DCAF11: variants seen among roughly 807,000 people sequenced by gnomAD.
DCAF11 encodes the protein DDB1 and CUL4 associated factor 11.
DCAF11 carries 44 observed loss-of-function variants against 76.1 expected under a neutral mutation model. That is an observed-to-expected ratio of 0.58 (90% CI 0.45 to 0.74). The LOEUF is 0.74. Ranked by LOEUF, DCAF11 falls within the 30% of genes least tolerant of loss-of-function variation. The pLI, the probability that DCAF11 is intolerant of heterozygous loss-of-function variation, is 0.00. For missense variants in DCAF11, 604 were observed against 709.4 expected (o/e 0.85, Z 1.69); for synonymous variants, 258 against 255.0 (o/e 1.01, Z -0.11).
Position 24,117,261 on chromosome 14 carries a change from C to CA in DCAF11, c.284-4dup, listed in dbSNP as rs760544752. 1 of 1,614,130 alleles carries CA rather than the reference C, an allele frequency of 6.2e-7. No individual in the cohort carries two copies. Among genetic ancestry groups the CA allele is most frequent in the East Asian group, 2.2e-5 (1 of 44,888 alleles). On this transcript the variant is annotated splice_polypyrimidine_tract_variant and splice_region_variant and intron_variant, in intron 3 of 14. Transcript: ENST00000446197. The surrounding 1 kb of genome is among the most constrained non-coding windows in gnomAD (Gnocchi z 4.3). Reference sequence around the variant, plus strand: ...TAGGATGAAACTTCTCCTTGGTACTCACAGTGGATGCTACCCCTGACACCC... The same window carrying CA: ...TAGGATGAAACTTCTCCTTGGTACTCAACAGTGGATGCTACCCCTGACACCC...
chr14:24,121,656 CAG>C, intron 13 of DCAF11, 139 bp downstream of exon 13: 1 of 897,346 alleles, frequency 1.1e-6, no homozygotes, highest in Non-Finnish European at 1.6e-6. Flanking sequence ...GAGGCTTAAA[CAG>C]AGAAATAGAA....
chr14:24,122,935 T>G (rs1417044186), intron 13 of DCAF11, 36 bp from the exon 14 acceptor site: 13 of 1,591,252 alleles, frequency 8.2e-6, no homozygotes, highest in Non-Finnish European at 1.1e-5. Context: ...AGATGTCTTG[T>G]GGTGGTCCCT....
rs1273528123 is a variant in DCAF11 at position 24,117,318 on chromosome 14, A to G, written c.336A>G (p.Gln112=). ...TGGAATTCAATGAGATCAAGACACA[A>G]GTGGAACTGGCCACAGGGCAGCTGG... is the stretch of plus-strand genomic sequence containing the variant. ...RELEFNEIKT[Q]VELATGQLGL... Residue 112 remains glutamine (Q), a synonymous_variant, in exon 4 of 15, where the codon CAA becomes CAG. Transcript: ENST00000446197. The surrounding 1 kb of genome is among the most constrained non-coding windows in gnomAD (Gnocchi z 4.3). The G allele has an allele frequency of 2.5e-6, 4 of 1,614,206 alleles. No homozygotes were observed. Among genetic ancestry groups the G allele is most frequent in the Non-Finnish European group, 3.4e-6 (4 of 1,180,034 alleles).
In DCAF11 at chr14:24,115,750, G is replaced by A; in HGVS notation, c.155+1G>A. The A allele has an allele frequency of 1.2e-6, 2 of 1,611,596 alleles. No homozygotes were observed. Among genetic ancestry groups the A allele is most frequent in the Non-Finnish European group, 1.7e-6 (2 of 1,178,684 alleles). ...AGGTACTGGCCTATCTCCTCCGCAG[G>A]TAACTTACCCTCTGGTGTGACCCCC... On this transcript the variant is annotated splice_donor_variant, in intron 2 of 14. Coordinates refer to ENST00000446197, the MANE Select transcript of DCAF11 (RefSeq NM_025230.5). LOFTEE classifies it high-confidence loss of function.
At chr14:24,122,456 C>T (rs2037708053) in intron 13 of DCAF11, among the ~76,000 whole-genome samples, 1 of 147,522 alleles carries the variant, frequency 6.8e-6, no homozygotes. Context: ...CGCCACGGCA[C>T]TCTAGCCTGG....
intron 13 of DCAF11, among the ~76,000 whole-genome samples, chr14:24,122,634 G>A (rs577150383): frequency 4.6e-5 from 7 of 152,154 alleles, no homozygotes; most frequent in Non-Finnish European, 8.8e-5. Context: ...AGGTGCAGCA[G>A]GTGCACACAC....
chr14:24,118,548 A>C lies in DCAF11; in HGVS notation c.724+14A>C. 1 of 1,610,600 alleles carries C rather than the reference A, an allele frequency of 6.2e-7. No homozygotes were observed. Among genetic ancestry groups the C allele is most frequent in the Non-Finnish European group, 8.5e-7 (1 of 1,177,134 alleles). On this transcript the variant is annotated intron_variant, in intron 7 of 14. Coordinates refer to ENST00000446197, the MANE Select transcript of DCAF11 (RefSeq NM_025230.5). ...GGTCTGATTACAGTGAGTATGCACC[A>C]GGCTTCCACTGACTCTCCAGCCTGG... is the stretch of plus-strand genomic sequence containing the variant.
At chr14:24,121,683 C>G in intron 13 of DCAF11, 166 bp downstream of exon 13, 1 of 733,998 alleles carries the variant, frequency 1.4e-6, no homozygotes, top group Non-Finnish European at 2.1e-6. Context: ...TTCTATTTTT[C>G]AGTGTTTTAA....
In DCAF11 at chr14:24,123,446, CAGCTGAGCCCTGGA is replaced by C; in HGVS notation, c.*140_*153del. 7.6e-7 allele frequency: 1 copy of C among 1,319,544 alleles called. No individual in the cohort carries two copies. Among genetic ancestry groups the C allele is most frequent in the Non-Finnish European group, 9.9e-7 (1 of 1,008,572 alleles). The allele number at this position is 1,319,544 out of a possible 1,614,324, so 81.7% of individuals were successfully genotyped here. A position where few individuals can be genotyped will look rare whatever the true frequency, so the allele number is the denominator to read the frequency against. ...TAACATAAGCCTGGGCTCTGAGCCT[CAGCTGAGCCCTGGA>C]AGATTCTCCCCATGGGGCAGAGTGG... On this transcript the variant is annotated 3_prime_UTR_variant, in exon 15 of 15. Coordinates refer to ENST00000446197, the MANE Select transcript of DCAF11 (RefSeq NM_025230.5).
chr14:24,117,275 C>T lies in DCAF11; in HGVS notation c.293C>T (p.Thr98Ile), dbSNP rs781632336. ...GDRYNPPVDA[T>I]PDTRELEFNE... ...TCCTTGGTACTCACAGTGGATGCTA[C>T]CCCTGACACCCGGGAGCTGGAATTC... Residue 98 changes from threonine (T) to isoleucine (I), a missense_variant, in exon 4 of 15, where the codon ACC becomes ATC. By Grantham distance (89) the Thr-to-Ile change is moderately conservative (BLOSUM62 -1). Transcript: ENST00000446197. The surrounding 1 kb of genome is among the most constrained non-coding windows in gnomAD (Gnocchi z 4.3). 9.9e-6 allele frequency: 16 copies of T among 1,614,156 alleles called. No individual in the cohort carries two copies. Among genetic ancestry groups the T allele is most frequent in the Admixed American group, 1.7e-5 (1 of 60,018 alleles).
chr14:24,117,707 G>A lies in DCAF11; in HGVS notation c.451G>A (p.Gly151Arg). The change falls in exon 5 of 15, where the codon GGA (glycine) becomes AGA (arginine). Residue 151 changes from glycine (G) to arginine (R), a missense_variant. By Grantham distance (125) the Gly-to-Arg change is moderately radical. Coordinates refer to ENST00000446197, the MANE Select transcript of DCAF11 (RefSeq NM_025230.5). The surrounding 1 kb of genome is among the most constrained non-coding windows in gnomAD (Gnocchi z 4.3). ...GLCHRGSFSL[G>R]EQSRVISHFL... ...CTGCCATCGGGGAAGCTTCTCCCTT[G>A]GAGAACAGTCTCGAGTGATATCTCA... 1.9e-6 allele frequency: 3 copies of A among 1,614,122 alleles called. No homozygotes were observed. The highest frequency in any genetic ancestry group is 2.5e-6 in the Non-Finnish European group (3 of 1,179,990).
At chr14:24,120,031 G>C in intron 11 of DCAF11, 135 bp downstream of exon 11, 1 of 1,148,264 alleles carries the variant, frequency 8.7e-7, no homozygotes, top group South Asian at 1.6e-5. Context: ...GTTTAGGGAA[G>C]GGGCTCAAGC....
Position 24,118,534 on chromosome 14 carries a change from A to T in DCAF11, c.724A>T (p.Ile242Phe). The stretch of plus-strand genomic sequence containing the variant: ...CCTCTACTCTAGCTGGTCTGATTAC[A>T]GTGAGTATGCACCAGGCTTCCACTG... ...HFLYSSWSDY[I>F]HICNIYGEGD... The change falls in exon 7 of 15, where the codon ATT becomes TTT. Residue 242 changes from isoleucine (I) to phenylalanine (F), a missense_variant and splice_region_variant. Physicochemically the swap from Ile to Phe is conservative, Grantham distance 21 (BLOSUM62 0). Coordinates refer to ENST00000446197, the MANE Select transcript of DCAF11 (RefSeq NM_025230.5). 1 of 1,613,824 alleles carries T rather than the reference A, an allele frequency of 6.2e-7. No individual in the cohort carries two copies. Among genetic ancestry groups the T allele is most frequent in the Non-Finnish European group, 8.5e-7 (1 of 1,179,784 alleles).
At chr14:24,116,172 C>G (rs1448154005) in intron 2 of DCAF11, among the ~76,000 whole-genome samples, 1 of 152,046 alleles carries the variant, frequency 6.6e-6, no homozygotes, top group African/African-American at 2.4e-5. Context: ...ACTTGAAAAA[C>G]AAGTTTAATT....
At position 24,124,275 on chromosome 14, in the gene DCAF11, C is replaced by T. The variant is rs2037742284; in HGVS notation, c.*966C>T. ...GTAGATATCGAGAGAGCACACTTTC[C>T]ATTAGAGCCTGGTAATACCCATATC... On this transcript the variant is annotated 3_prime_UTR_variant, in exon 15 of 15. Coordinates refer to ENST00000446197, the MANE Select transcript of DCAF11 (RefSeq NM_025230.5). 1 of 152,244 alleles carries T rather than the reference C, an allele frequency of 6.6e-6. No homozygotes were observed. The highest frequency in any genetic ancestry group is 6.5e-5 in the Admixed American group (1 of 15,282). 9.4% of individuals were successfully genotyped at this position (152,244 alleles called of 1,614,324 possible). A position where few individuals can be genotyped will look rare whatever the true frequency, so the allele number is the denominator to read the frequency against.
chr14:24,115,302 G>T lies in DCAF11; in HGVS notation c.-214+9G>T. ...TCCGGGGACTTCGATAGGTGAGTTTGGTGTAGAAAACAAATCTTTCTTCAG... is the reference window on the plus strand; with the variant it reads ...TCCGGGGACTTCGATAGGTGAGTTTTGTGTAGAAAACAAATCTTTCTTCAG... On this transcript the variant is annotated intron_variant, in intron 1 of 14. Coordinates refer to ENST00000446197, the MANE Select transcript of DCAF11 (RefSeq NM_025230.5). 1 of 274,742 alleles carries T rather than the reference G, an allele frequency of 3.6e-6. No homozygotes were observed. 17.0% of individuals were successfully genotyped at this position (274,742 alleles called of 1,614,324 possible).
chr14:24,116,407 C>T (rs1022468932), intron 2 of DCAF11, among the ~76,000 whole-genome samples: 2 of 152,110 alleles, frequency 1.3e-5, no homozygotes, highest in Non-Finnish European at 1.5e-5. Flanking sequence ...GTCTGGAGAA[C>T]GGGCTATTCA....
chr14:24,118,783 C>G lies in DCAF11; in HGVS notation c.758C>G (p.Thr253Arg), dbSNP rs1338735983. 2 of 1,613,986 alleles carry G rather than the reference C, an allele frequency of 1.2e-6. No homozygotes were observed. The highest frequency in any genetic ancestry group is 1.1e-5 in the South Asian group (1 of 91,088). Residue 253 changes from threonine to arginine, a missense_variant, in exon 8 of 15, where the codon ACA becomes AGA. Thr to Arg is a moderately conservative substitution (Grantham distance 71). Coordinates refer to ENST00000446197, the MANE Select transcript of DCAF11 (RefSeq NM_025230.5). ...TGCAATATCTATGGTGAGGGAGATA[C>G]ACACACTGCCCTGGATCTCAGGTAC... Reference protein sequence around the residue: ...HICNIYGEGDTHTALDLRPDE... With the variant: ...HICNIYGEGDRHTALDLRPDE...
In DCAF11 at chr14:24,117,246, C is replaced by T. The variant is rs2037597970; in HGVS notation, c.284-20C>T. On this transcript the variant is annotated intron_variant, in intron 3 of 14. Transcript: ENST00000446197. The surrounding 1 kb of genome is among the most constrained non-coding windows in gnomAD (Gnocchi z 4.3). ...TGAGGCTGGCAGACCTAGGATGAAA[C>T]TTCTCCTTGGTACTCACAGTGGATG... 3.7e-6 allele frequency: 6 copies of T among 1,613,832 alleles called. No homozygotes were observed. The highest frequency in any genetic ancestry group is 1.3e-5 in the African/African-American group (1 of 74,918).
Sources: gnomAD v4.1 joint callset for allele counts (sites outside exome capture counted in the v4.1 genomes callset) on GRCh38, gnomAD v4.1.1 for gene constraint, Gnocchi (gnomAD v3.1) non-coding constraint, MANE v1.5 for transcripts, NCBI Gene and HGNC (gene_info 2026-07-23, HGNC 2026-07-21) for gene names.